Variants in ST6GALNAC5 observed in about 807,000 individuals in gnomAD.
The protein encoded by ST6GALNAC5 is ST6 N-acetylgalactosaminide alpha-2,6-sialyltransferase 5, also known as alpha-N-acetylgalactosaminide alpha-2,6-sialyltransferase 5.
ST6GALNAC5 carries 27 observed loss-of-function variants against 33.6 expected under a neutral mutation model. The ratio of observed to expected loss-of-function variants is 0.80; its 90% confidence interval spans 0.59 to 1.11. The LOEUF is 1.11. ST6GALNAC5 is among the 50% of genes least tolerant of loss of function. ST6GALNAC5 has a pLI of 0.00. For missense variants in ST6GALNAC5, 428 were observed against 454.0 expected (o/e 0.94, Z 0.52); for synonymous variants, 194 against 171.2 (o/e 1.13, Z -1.04).
At chr1:77,026,159 T>C (rs1365798398) in intron 2 of ST6GALNAC5, among the ~76,000 whole-genome samples, 1 of 152,136 alleles carries the variant, frequency 6.6e-6, no homozygotes, top group East Asian at 1.9e-4. Context: ...TTAAAGGTCA[T>C]GCATGCTATC....
At chr1:77,001,884 C>T (rs965528922) in intron 2 of ST6GALNAC5, among the ~76,000 whole-genome samples, 8 of 151,688 alleles carry the variant, frequency 5.3e-5, no homozygotes, top group South Asian at 4.2e-4. Flanking sequence ...CTGCTGGATT[C>T]GTTTTGCCAG....
Position 77,062,971 on chromosome 1 carries a change from A to G in ST6GALNAC5, c.780-4A>G. The G allele has an allele frequency of 1.9e-6, 3 of 1,611,332 alleles. No individual in the cohort carries two copies. Among genetic ancestry groups the G allele is most frequent in the Non-Finnish European group, 2.5e-6 (3 of 1,177,682 alleles). ...TAATCAGTTATCTCAATTTCCTCCT[A>G]CAGGGATCCCAATCACCCTTCAGTA... is the stretch of plus-strand genomic sequence containing the variant. On this transcript the variant is annotated splice_region_variant and splice_polypyrimidine_tract_variant and intron_variant, in intron 4 of 4. Transcript: ENST00000477717.
chr1:76,878,245 T>C (rs757174530), intron 2 of ST6GALNAC5, among the ~76,000 whole-genome samples: 20 of 152,180 alleles, frequency 1.3e-4, no homozygotes, highest in Admixed American at 1.0e-3. Context: ...CCCACCATAA[T>C]AGCCCTCACC....
rs899114796 is a variant in ST6GALNAC5 at position 76,965,087 on chromosome 1, T to C, written c.262-79117T>C. Among the ~76,000 whole-genome samples the C allele has an allele frequency of 7.2e-5, 11 of 152,330 alleles. No homozygotes were observed. In the East Asian group the frequency reaches 2.1e-3, roughly 29 times the overall value. On this transcript the variant is annotated intron_variant, in intron 2 of 4. Transcript: ENST00000477717. ...AAACATACAAGTGCATGTGTCTTTA[T>C]AGTAGCATGATTTATAATCCTTTGG...
At chr1:76,890,881 A>C (rs1653999276) in intron 2 of ST6GALNAC5, among the ~76,000 whole-genome samples, 1 of 152,200 alleles carries the variant, frequency 6.6e-6, no homozygotes, top group East Asian at 1.9e-4. Context: ...ATTTGAGCAT[A>C]AGATATTCTC....
intron 4 of ST6GALNAC5, among the ~76,000 whole-genome samples, chr1:77,053,707 G>C (rs973355038): frequency 1.3e-5 from 2 of 152,186 alleles, no homozygotes; most frequent in African/African-American, 4.8e-5. Context: ...ATTGCATGAA[G>C]TCATAGATGA....
intron 2 of ST6GALNAC5, among the ~76,000 whole-genome samples, chr1:76,972,799 T>C (rs1648817413): frequency 6.6e-6 from 1 of 152,174 alleles, no homozygotes; most frequent in African/African-American, 2.4e-5. Context: ...AATAATTGAG[T>C]CTGCTTATTT....
chr1:76,891,462 T>A (rs779093895), intron 2 of ST6GALNAC5, among the ~76,000 whole-genome samples: 8 of 152,200 alleles, frequency 5.3e-5, no homozygotes, highest in Non-Finnish European at 1.0e-4. Flanking sequence ...TGAGTTGTGT[T>A]TTTAATATAT....
At chr1:77,053,692 C>T (rs115149299) in intron 4 of ST6GALNAC5, among the ~76,000 whole-genome samples, 1,735 of 152,138 alleles carry the variant, frequency 0.011, 41 homozygotes, top group African/African-American at 0.039. Flanking sequence ...AGAGTTTATA[C>T]GATAATTGCA....
intron 2 of ST6GALNAC5, among the ~76,000 whole-genome samples, chr1:76,942,185 C>G (rs1647358326): frequency 6.6e-6 from 1 of 151,988 alleles, no homozygotes; most frequent in African/African-American, 2.4e-5. Flanking sequence ...GGTGGAAGAA[C>G]ACTCATAATT....
At chr1:76,911,571 C>G (rs1346283213) in intron 2 of ST6GALNAC5, among the ~76,000 whole-genome samples, 1 of 152,032 alleles carries the variant, frequency 6.6e-6, no homozygotes, top group African/African-American at 2.4e-5. Flanking sequence ...TCCATCTGGT[C>G]CTGGACTCTT....
intron 2 of ST6GALNAC5, among the ~76,000 whole-genome samples, chr1:76,878,745 T>G (rs1653707275): frequency 6.6e-6 from 1 of 152,128 alleles, no homozygotes; most frequent in Admixed American, 6.5e-5. Flanking sequence ...TTCAAATTAG[T>G]CTTTTGTCCA....
intron 4 of ST6GALNAC5, among the ~76,000 whole-genome samples, chr1:77,061,535 G>T (rs1401176816): frequency 6.6e-6 from 1 of 152,192 alleles, no homozygotes; most frequent in Admixed American, 6.5e-5. Context: ...AGGGCATCAG[G>T]CTCTGAAAGA....
Position 76,867,670 on chromosome 1 carries a change from C to A in ST6GALNAC5, c.-6C>A. On this transcript the variant is annotated 5_prime_UTR_variant, in exon 1 of 5. Transcript: ENST00000477717. ...CTGAGGATTCTGCACAAAAGAGGTG[C>A]CCAAAATGAAGACCCTGATGGTGAG... is the stretch of plus-strand genomic sequence containing the variant. The A allele has an allele frequency of 6.2e-7, 1 of 1,614,078 alleles. No homozygotes were observed. The highest frequency in any genetic ancestry group is 8.5e-7 in the Non-Finnish European group (1 of 1,180,028).
intron 2 of ST6GALNAC5, among the ~76,000 whole-genome samples, chr1:76,963,272 A>C (rs1648316847): frequency 6.6e-6 from 1 of 152,228 alleles, no homozygotes; most frequent in South Asian, 2.1e-4. Context: ...CAAATTTAAC[A>C]TGACCAGCCC....
chr1:76,929,689 T>G (rs1438302603), intron 2 of ST6GALNAC5, among the ~76,000 whole-genome samples: 1 of 152,118 alleles, frequency 6.6e-6, no homozygotes, highest in East Asian at 1.9e-4. Flanking sequence ...AATTGAGAGG[T>G]GCTGTCACTG....
chr1:77,060,707 A>G (rs1247093260), intron 4 of ST6GALNAC5, among the ~76,000 whole-genome samples: 1 of 152,086 alleles, frequency 6.6e-6, no homozygotes, highest in Non-Finnish European at 1.5e-5. Flanking sequence ...TTTTTTCCAA[A>G]GAGATGGTCT....
intron 2 of ST6GALNAC5, among the ~76,000 whole-genome samples, chr1:76,908,041 T>G (rs897849083): frequency 6.6e-6 from 1 of 152,136 alleles, no homozygotes; most frequent in Admixed American, 6.6e-5. Flanking sequence ...TTTAATACAA[T>G]AGATTTTTTT....
At chr1:76,953,222 T>C (rs765618981) in intron 2 of ST6GALNAC5, among the ~76,000 whole-genome samples, 35 of 152,256 alleles carry the variant, frequency 2.3e-4, no homozygotes, top group Non-Finnish European at 4.7e-4. Flanking sequence ...AACTGATTGC[T>C]GGGACCTATG....
Sources: allele counts gnomAD v4.1 joint callset (sites outside exome capture counted in the v4.1 genomes callset), GRCh38; gene constraint gnomAD v4.1.1; transcripts MANE v1.5; gene names NCBI Gene and HGNC (gene_info 2026-07-23, HGNC 2026-07-21).